The following ZC3H12B variants were observed in gnomAD, a reference collection of about 807,000 sequenced individuals.
The protein encoded by ZC3H12B is zinc finger CCCH-type containing 12B.
Under a neutral mutation model 43.9 loss-of-function variants are expected in ZC3H12B, and 7 were observed. The observed-to-expected ratio is 0.16, with a 90% CI of 0.09 to 0.30. ZC3H12B has a LOEUF of 0.30. Among genes scored for constraint, ZC3H12B ranks in the 10% least tolerant of loss-of-function variants. The pLI, the probability that ZC3H12B is intolerant of heterozygous loss-of-function variation, is 1.00. For missense variants in ZC3H12B, 475 were observed against 670.2 expected (o/e 0.71, Z 3.22); for synonymous variants, 222 against 241.7 (o/e 0.92, Z 0.76).
the ZC3H12B span, among the ~76,000 whole-genome samples, chrX:65,213,798 C>G: frequency 2.8e-5 from 3 of 109,062 alleles, no homozygotes; most frequent in African/African-American, 6.7e-5. Context: ...TACAGGCATA[C>G]CTTAGGGATA....
chrX:65,133,735 G>T, the ZC3H12B span, among the ~76,000 whole-genome samples: 1 of 110,498 alleles, frequency 9.0e-6, no homozygotes, highest in East Asian at 2.9e-4. Context: ...CTGGGGAAGA[G>T]GGGAGTGGTC....
chrX:65,182,200 A>G, the ZC3H12B span, among the ~76,000 whole-genome samples: 1 of 111,349 alleles, frequency 9.0e-6, no homozygotes, highest in Admixed American at 9.7e-5. Flanking sequence ...GGAGTTGAAC[A>G]ATGAGAACAC....
chrX:65,116,575 T>A, the ZC3H12B span, among the ~76,000 whole-genome samples: 1 of 111,134 alleles, frequency 9.0e-6, no homozygotes, highest in Non-Finnish European at 1.9e-5. Context: ...TTTTTCTTTT[T>A]TTTATTATAC....
At chrX:65,129,155 AT>A in the ZC3H12B span, among the ~76,000 whole-genome samples, 1 of 108,177 alleles carries the variant, frequency 9.2e-6, no homozygotes, top group Admixed American at 1.0e-4. Context: ...GTACTTGAAC[AT>A]TTTTTAGAGT....
At chrX:65,127,978 TCA>T in the ZC3H12B span, among the ~76,000 whole-genome samples, 1 of 111,821 alleles carries the variant, frequency 8.9e-6, no homozygotes, top group Admixed American at 9.5e-5. Context: ...GCAAGCAGAC[TCA>T]CAGTTTTTCT....
chrX:65,477,917 T>G (rs1349977227), intron 3 of ZC3H12B, among the ~76,000 whole-genome samples: 2 of 107,821 alleles, frequency 1.9e-5, no homozygotes, highest in African/African-American at 6.8e-5. Flanking sequence ...TATTTTCTCT[T>G]TCTGCCCTTC....
At chrX:65,496,463 G>T (rs1391134226) in intron 1 of ZC3H12B, among the ~76,000 whole-genome samples, 1 of 111,444 alleles carries the variant, frequency 9.0e-6, no homozygotes, top group Non-Finnish European at 1.9e-5. Context: ...AAAGAAAGTG[G>T]TAGGAGAAAC....
the ZC3H12B span, among the ~76,000 whole-genome samples, chrX:65,280,717 T>A: frequency 9.0e-6 from 1 of 111,226 alleles, no homozygotes; most frequent in Admixed American, 9.6e-5. Context: ...TAGACAAAAA[T>A]CAGTGGCATT....
chrX:65,489,395 T>C (rs778424418), exon 1 of ZC3H12B: 19 of 1,197,001 alleles, frequency 1.6e-5, no homozygotes, highest in Non-Finnish European at 2.0e-5. Context: ...TTGATGGAAG[T>C]AATGTGGCAA....
the ZC3H12B span, among the ~76,000 whole-genome samples, chrX:65,117,798 G>A: frequency 8.9e-6 from 1 of 111,847 alleles, no homozygotes; most frequent in African/African-American, 3.3e-5. Flanking sequence ...AGTTTTCCCA[G>A]CACCATTTAT....
the ZC3H12B span, among the ~76,000 whole-genome samples, chrX:65,053,166 G>A: frequency 9.1e-6 from 1 of 109,882 alleles, no homozygotes; most frequent in Admixed American, 9.7e-5. Context: ...CTGCAGGTTT[G>A]TTACGTATGT....
At chrX:65,172,667 T>C in the ZC3H12B span, among the ~76,000 whole-genome samples, 14 of 112,536 alleles carry the variant, frequency 1.2e-4, no homozygotes, top group Non-Finnish European at 2.6e-4. Context: ...TCCAGCACCA[T>C]TTATTACATA....
At chrX:65,072,218 C>A in the ZC3H12B span, among the ~76,000 whole-genome samples, 1 of 112,037 alleles carries the variant, frequency 8.9e-6, no homozygotes, top group African/African-American at 3.2e-5. Flanking sequence ...CTCTCAGATT[C>A]TTTCTTCCTC....
the ZC3H12B span, among the ~76,000 whole-genome samples, chrX:65,162,149 TG>T: frequency 8.9e-6 from 1 of 111,899 alleles, no homozygotes; most frequent in South Asian, 3.8e-4. Context: ...GTTAGTCTGA[TG>T]GGCTTCCCTT....
In ZC3H12B at chrX:65,393,470, C is replaced by A. The variant is rs529226879; in HGVS notation, n.296-5123C>A. Among the ~76,000 whole-genome samples the A allele has an allele frequency of 4.5e-5, 5 of 110,429 alleles. No homozygotes were observed. In the East Asian group the frequency reaches 8.5e-4, roughly 19 times the overall value. On this transcript the variant is annotated intron_variant and non_coding_transcript_variant, in intron 2 of 5. Transcript: ENST00000617377. ...CCCTTGCCCCACAACCCCCGAAAGG[C>A]CCTAGTGTGTAATGTTCCCCTCCCT...
At chrX:65,460,717 A>G (rs1280095328) in intron 3 of ZC3H12B, among the ~76,000 whole-genome samples, 5 of 112,203 alleles carry the variant, frequency 4.5e-5, no homozygotes, top group Non-Finnish European at 9.4e-5. Context: ...TTCAAGATGG[A>G]TTAAAGATTT....
exon 5 of ZC3H12B, chrX:65,502,372 C>T (rs770466568): frequency 4.1e-5 from 49 of 1,209,565 alleles, no homozygotes; most frequent in Non-Finnish European, 5.3e-5. Flanking sequence ...TGAACATCAA[C>T]AGCATGCATA....
chrX:65,315,225 T>C, the ZC3H12B span, among the ~76,000 whole-genome samples: 1 of 111,207 alleles, frequency 9.0e-6, no homozygotes, highest in Admixed American at 9.6e-5. Context: ...ATGATATGGA[T>C]TGATTAAAAG....
the ZC3H12B span, among the ~76,000 whole-genome samples, chrX:65,226,787 A>G: frequency 2.3e-4 from 26 of 111,544 alleles, no homozygotes; most frequent in Admixed American, 1.6e-3. Context: ...GACAAAGAAG[A>G]CCATTACATA....
Sources: gnomAD v4.1 joint callset for allele counts (sites outside exome capture counted in the v4.1 genomes callset) on GRCh38, gnomAD v4.1.1 for gene constraint, MANE v1.5 for transcripts, NCBI Gene and HGNC (gene_info 2026-07-23, HGNC 2026-07-21) for gene names.